Variants in RICTOR observed in about 807,000 individuals in gnomAD.
RICTOR encodes rapamycin-insensitive companion of mTOR.
A neutral mutation model predicts 214.9 loss-of-function variants in RICTOR; 49 were observed. The ratio of observed to expected loss-of-function variants is 0.23; its 90% CI spans 0.18 to 0.29. RICTOR has a LOEUF of 0.29. Ranked by LOEUF, RICTOR falls within the 10% of genes least tolerant of loss-of-function variation. The probability of loss-of-function intolerance (pLI) is 1.00; values close to 1 mark genes in which losing one functional copy is unlikely to be tolerated. For missense variants in RICTOR, 1,625 were observed against 2,047.0 expected, an observed-to-expected ratio of 0.79 and a Z score of 3.98; for synonymous variants, 717 against 711.3, an observed-to-expected ratio of 1.01 and a Z score of -0.13.
chr5:38,981,658 T>G lies in RICTOR; in HGVS notation c.753+209A>C, dbSNP rs566731504. The G allele has an allele frequency of 1.2e-5, 5 of 415,556 alleles. No homozygotes were observed. In the South Asian group the frequency reaches 2.8e-4, roughly 23 times the overall value. The allele number at this position is 415,556 out of a possible 1,614,324, so 25.7% of individuals were successfully genotyped here. A position where few individuals can be genotyped will look rare whatever the true frequency, so the allele number is the denominator to read the frequency against. ...TCATAGATAATACAAAAATAAAATT[T>G]ACACATTGATGAAATATTCTTAAGA... On this transcript the variant is annotated intron_variant, in intron 8 of 37. Coordinates refer to ENST00000357387, the MANE Select transcript of RICTOR (RefSeq NM_152756.5).
intron 3 of RICTOR, among the ~76,000 whole-genome samples, chr5:39,020,544 T>C (rs896385341): frequency 1.6e-4 from 25 of 152,344 alleles, no homozygotes; most frequent in Non-Finnish European, 3.1e-4. Context: ...CACGCATTTT[T>C]TAAAAACATA....
chr5:38,967,167 A>C lies in RICTOR; in HGVS notation c.1212T>G (p.Leu404=). 1 of 1,604,404 alleles carries C rather than the reference A, an allele frequency of 6.2e-7. No homozygotes were observed. The highest frequency in any genetic ancestry group is 8.5e-7 in the Non-Finnish European group (1 of 1,171,218). The change falls in exon 14 of 38, where the codon CTT becomes CTG. Residue 404 remains leucine (L), a synonymous_variant. Coordinates refer to ENST00000357387, the MANE Select transcript of RICTOR (RefSeq NM_152756.5). ...TAAGGTTTATAAGTCTTACCTCTAA[A>C]AGTCCATTACGAATAAATGCAGAGA... ...LILSAFIRNG[L]LEGLVEVITN... is the part of the protein sequence containing the mutation.
At chr5:38,961,976 T>C (rs537966561) in intron 19 of RICTOR, among the ~76,000 whole-genome samples, 2 of 152,172 alleles carry the variant, frequency 1.3e-5, no homozygotes, top group South Asian at 4.1e-4. Context: ...GGAATAAAAG[T>C]TGTATATTAA....
chr5:38,967,423 T>C lies in RICTOR; in HGVS notation c.1065A>G (p.Pro355=). ...EFIEALLSVD[P]GRFQDSWRLS... is the part of the protein sequence containing the mutation. The stretch of plus-strand genomic sequence containing the variant: ...GCCTCCAACTGTCTTGGAACCTCCC[T>C]GGATCTAAATTAGTTAAAATATGGT... The change falls in exon 13 of 38, where the codon CCA becomes CCG. Residue 355 remains proline, a synonymous_variant. Transcript: ENST00000357387. The C allele has an allele frequency of 6.2e-7, 1 of 1,608,252 alleles. No homozygotes were observed. Among genetic ancestry groups the C allele is most frequent in the South Asian group, 1.1e-5 (1 of 90,412 alleles).
chr5:38,978,244 G>C (rs1370078801), intron 9 of RICTOR, among the ~76,000 whole-genome samples: 1 of 152,110 alleles, frequency 6.6e-6, no homozygotes, highest in Non-Finnish European at 1.5e-5. Context: ...GACTCAGTAA[G>C]TTAAGGTCAC....
At chr5:39,073,669 T>G (rs537036981) in intron 2 of RICTOR, among the ~76,000 whole-genome samples, 161 of 152,300 alleles carry the variant, frequency 1.1e-3, no homozygotes, top group Non-Finnish European at 1.6e-3. Context: ...CAGGTCCGGC[T>G]TCTGCTCCGG....
At chr5:38,990,746 A>ATATATCT (rs1164554083) in intron 7 of RICTOR, among the ~76,000 whole-genome samples, 9 of 113,614 alleles carry the variant, frequency 7.9e-5, no homozygotes, top group African/African-American at 2.8e-4. Context: ...GATATATATG[A>ATATATCT]GATATATGAT....
rs1747451861 is a variant in RICTOR, at chr5:38,940,551, TA to T, written c.*1752del. 4.3e-6 allele frequency: 1 copy of T among 232,540 alleles called. No homozygotes were observed. The highest frequency in any genetic ancestry group is 6.1e-5 in the East Asian group (1 of 16,388). The allele number at this position is 232,540 out of a possible 1,614,324, so 14.4% of individuals were successfully genotyped here. On this transcript the variant is annotated 3_prime_UTR_variant, in exon 38 of 38. Coordinates refer to ENST00000357387, the MANE Select transcript of RICTOR (RefSeq NM_152756.5). ...AACACTTGGGTTCAGTGATAAAGTA[TA>T]AAAAAATTATTTATCTTCAACTGGA... is the stretch of plus-strand genomic sequence containing the variant.
Position 38,950,528 on chromosome 5 carries a change from T to C in RICTOR, c.3320A>G (p.Lys1107Arg). The C allele has an allele frequency of 2.5e-6, 4 of 1,613,320 alleles. No individual in the cohort carries two copies. The highest frequency in any genetic ancestry group is 3.4e-6 in the Non-Finnish European group (4 of 1,179,552). The change falls in exon 31 of 38, where the codon AAA (lysine) becomes AGA (arginine). Residue 1107 changes from lysine (K) to arginine (R), a missense_variant. Physicochemically the swap from Lys to Arg is conservative, Grantham distance 26. This residue lies in a region of RICTOR where 1,214 missense variants were observed against 1,470.5 expected (regional missense o/e 0.83). Transcript: ENST00000357387. ...RILNSLTLPNKKHRSSSDPKG... is the reference protein window; with the variant it reads ...RILNSLTLPNRKHRSSSDPKG... ...TGGATCACTGCTACTACGATGTTTT[T>C]TGTTAGGCAAAGTAAGCGAATTTAA...
chr5:38,996,620 C>A (rs548377475), intron 6 of RICTOR, among the ~76,000 whole-genome samples, 199 bp downstream of exon 6: 5 of 152,182 alleles, frequency 3.3e-5, no homozygotes, highest in Admixed American at 3.3e-4. Context: ...CCTACCTATA[C>A]CCAATCACAT....
chr5:39,002,570 C>G lies in RICTOR; in HGVS notation c.357G>C (p.Lys119Asn), dbSNP rs1247701996. Residue 119 changes from lysine to asparagine, a missense_variant, in exon 5 of 38, where the codon AAG (lysine) becomes AAC (asparagine). Lys to Asn is a moderately conservative substitution (Grantham distance 94, BLOSUM62 0). This residue lies in a region of RICTOR where 258 missense variants were observed against 393.7 expected (regional missense o/e 0.66). Coordinates refer to ENST00000357387, the MANE Select transcript of RICTOR (RefSeq NM_152756.5). ...YLIQDSSILQ[K>N]VLKLKVDYLI... ...AATAGTCCACTTTCAATTTTAGCACCTTCTGGAGAATACTGGAGTCTTGGA... is the reference window on the plus strand; with the variant it reads ...AATAGTCCACTTTCAATTTTAGCACGTTCTGGAGAATACTGGAGTCTTGGA... 1.9e-6 allele frequency: 3 copies of G among 1,610,880 alleles called. No individual in the cohort carries two copies. The highest frequency in any genetic ancestry group is 2.5e-6 in the Non-Finnish European group (3 of 1,177,676).
intron 2 of RICTOR, among the ~76,000 whole-genome samples, chr5:39,067,439 C>T (rs1287822450): frequency 6.6e-6 from 1 of 152,172 alleles, no homozygotes; most frequent in African/African-American, 2.4e-5. Flanking sequence ...TACAATTCAA[C>T]ATGAGATTTG....
chr5:38,983,944 G>T (rs185366774), intron 7 of RICTOR, among the ~76,000 whole-genome samples: 1 of 152,084 alleles, frequency 6.6e-6, no homozygotes, highest in Non-Finnish European at 1.5e-5. Context: ...CCAGCCTGGT[G>T]GCAGAGTGAG....
intron 7 of RICTOR, among the ~76,000 whole-genome samples, chr5:38,990,747 G>GATATATATCATATATATGAT (rs1258528025): frequency 1.3e-4 from 3 of 23,080 alleles, no homozygotes; most frequent in African/African-American, 2.9e-4. Context: ...ATATATATGA[G>GATATATATCATATATATGAT]ATATATGATA....
In RICTOR at chr5:39,002,590, C is replaced by T. The variant is rs530285186; in HGVS notation, c.337G>A (p.Asp113Asn). The T allele has an allele frequency of 6.2e-7, 1 of 1,612,072 alleles. No individual in the cohort carries two copies. Among genetic ancestry groups the T allele is most frequent in the Non-Finnish European group, 8.5e-7 (1 of 1,178,478 alleles). Residue 113 changes from aspartate (D) to asparagine (N), a missense_variant, in exon 5 of 38, where the codon GAC becomes AAC. By Grantham distance (23) the Asp-to-Asn change is conservative. Coordinates refer to ENST00000357387, the MANE Select transcript of RICTOR (RefSeq NM_152756.5). ...AGCACCTTCTGGAGAATACTGGAGT[C>T]TTGGATGAGATATCGAAGCGCTCGT... The part of the protein sequence containing the change: ...GLRALRYLIQ[D>N]SSILQKVLKL...
At chr5:38,992,736 G>A (rs1752879255) in intron 6 of RICTOR, among the ~76,000 whole-genome samples, 1 of 152,062 alleles carries the variant, frequency 6.6e-6, no homozygotes, top group South Asian at 2.1e-4. Flanking sequence ...CTCTTAAATT[G>A]TGTGTAAATC....
At chr5:38,944,245 T>C (rs1311522671) in intron 36 of RICTOR, 6 of 647,774 alleles carry the variant, frequency 9.3e-6, no homozygotes, top group African/African-American at 3.6e-5. Flanking sequence ...TGGATTCTCA[T>C]ACTTGCTTCT....
intron 2 of RICTOR, among the ~76,000 whole-genome samples, chr5:39,036,503 T>C (rs925903135): frequency 6.6e-5 from 10 of 152,162 alleles, no homozygotes; most frequent in Non-Finnish European, 1.2e-4. Flanking sequence ...AATGCTCCAA[T>C]TAAAAGACAC....
At chr5:39,008,297 C>G (rs1392228290) in intron 3 of RICTOR, among the ~76,000 whole-genome samples, 1 of 152,026 alleles carries the variant, frequency 6.6e-6, no homozygotes, top group Non-Finnish European at 1.5e-5. Context: ...ATCACACCAT[C>G]TAGGAATAGT....
Sources: allele counts gnomAD v4.1 joint callset (sites outside exome capture counted in the v4.1 genomes callset), GRCh38; gene constraint gnomAD v4.1.1; regional missense constraint gnomAD v4.1.1; transcripts MANE v1.5; gene names NCBI Gene and HGNC (gene_info 2026-07-23, HGNC 2026-07-21).